The following SGCD variants were observed in gnomAD, a reference collection of about 807,000 sequenced individuals.
SGCD encodes delta-sarcoglycan.
SGCD carries 18 observed loss-of-function variants against 36.6 expected under a neutral mutation model. The ratio of observed to expected loss-of-function variants is 0.49; its 90% CI spans 0.34 to 0.73. The LOEUF (loss-of-function observed/expected upper bound fraction) is 0.73. SGCD is among the 30% of genes least tolerant of loss of function. The pLI, the probability that SGCD is intolerant of heterozygous loss-of-function variation, is 0.01. For missense variants in SGCD, 387 were observed against 346.7 expected, an observed-to-expected ratio of 1.12 and a Z score of -0.92; for synonymous variants, 133 against 130.6, an observed-to-expected ratio of 1.02 and a Z score of -0.12.
intron 6 of SGCD, among the ~76,000 whole-genome samples, chr5:156,640,487 A>G (rs972441904): frequency 6.6e-6 from 1 of 152,216 alleles, no homozygotes; most frequent in Non-Finnish European, 1.5e-5. Flanking sequence ...GTGTTGCTAC[A>G]ATAAAACTTA....
intron 1 of SGCD, among the ~76,000 whole-genome samples, chr5:155,874,507 A>C (rs1265482683): frequency 7.2e-5 from 11 of 152,194 alleles, no homozygotes; most frequent in Admixed American, 7.2e-4. Flanking sequence ...TTTGCAAAGC[A>C]TATATAAACA....
chr5:156,206,300 G>A (rs1413800543), intron 3 of SGCD, among the ~76,000 whole-genome samples: 2 of 151,674 alleles, frequency 1.3e-5, no homozygotes, highest in Non-Finnish European at 2.9e-5. Flanking sequence ...AATATTTTTT[G>A]GTCACAATTA....
chr5:155,967,971 C>G (rs1252893844), intron 1 of SGCD, among the ~76,000 whole-genome samples: 1 of 152,074 alleles, frequency 6.6e-6, no homozygotes, highest in East Asian at 1.9e-4. Flanking sequence ...ACAGTTGTTT[C>G]CCTTTCAAGA....
At chr5:155,798,601 C>T in the SGCD span, among the ~76,000 whole-genome samples, 1 of 152,174 alleles carries the variant, frequency 6.6e-6, no homozygotes, top group Non-Finnish European at 1.5e-5. Context: ...AATTGCCCTC[C>T]TTAGGCAAAT....
chr5:155,746,260 G>A, the SGCD span, among the ~76,000 whole-genome samples: 1 of 152,074 alleles, frequency 6.6e-6, no homozygotes, highest in Admixed American at 6.5e-5. Context: ...GAGTGTCCTC[G>A]GGTCTAGTCT....
Position 156,154,178 on chromosome 5 carries a change from G to T in SGCD, c.-44+30159G>T, listed in dbSNP as rs540416143. Among the ~76,000 whole-genome samples, 193 of 151,742 alleles carry T rather than the reference G, an allele frequency of 1.3e-3. 1 individual carries two copies. The highest frequency in any genetic ancestry group is 1.9e-3 in the Non-Finnish European group (127 of 68,030). ...GCTGTCCAGTAACTTGCTCAAAGAT[G>T]CTTTCTTTTTTTCCTCCCTTGTTCT... On this transcript the variant is annotated intron_variant, in intron 3 of 9. Coordinates refer to the SGCD transcript ENST00000517913.
At chr5:156,496,389 CCTAA>C (rs1352701826) in intron 3 of SGCD, among the ~76,000 whole-genome samples, 2 of 152,024 alleles carry the variant, frequency 1.3e-5, no homozygotes, top group Non-Finnish European at 2.9e-5. Flanking sequence ...CCCATGCTGA[CCTAA>C]CTGTTTTCTT....
chr5:156,036,519 G>A (rs565462582), intron 1 of SGCD, among the ~76,000 whole-genome samples: 11 of 152,290 alleles, frequency 7.2e-5, no homozygotes, highest in Middle Eastern at 3.4e-3. Flanking sequence ...TCCATCTGAT[G>A]AGGGCCGAGG....
At chr5:156,145,826 A>G (rs997357560) in intron 3 of SGCD, among the ~76,000 whole-genome samples, 2 of 152,232 alleles carry the variant, frequency 1.3e-5, no homozygotes, top group African/African-American at 4.8e-5. Flanking sequence ...AGAATGAACA[A>G]CACAAACTAT....
chr5:156,040,477 TA>T (rs1191577181), intron 1 of SGCD, among the ~76,000 whole-genome samples: 3 of 152,254 alleles, frequency 2.0e-5, no homozygotes, highest in Admixed American at 2.0e-4. Flanking sequence ...CATTGTGGAG[TA>T]CACAACAAGC....
At chr5:156,358,725 T>A (rs185215097) in intron 3 of SGCD, among the ~76,000 whole-genome samples, 222 of 152,324 alleles carry the variant, frequency 1.5e-3, no homozygotes, top group Non-Finnish European at 2.7e-3. Flanking sequence ...TGATTTGGCA[T>A]AATTGAAGAG....
intron 3 of SGCD, among the ~76,000 whole-genome samples, chr5:156,267,730 C>A (rs1217404430): frequency 4.6e-5 from 7 of 152,326 alleles, no homozygotes; most frequent in South Asian, 4.1e-4. Flanking sequence ...ATATAACCAT[C>A]ACCAAGTAAA....
chr5:155,963,150 G>A (rs1179299415), intron 1 of SGCD, among the ~76,000 whole-genome samples: 1 of 152,054 alleles, frequency 6.6e-6, no homozygotes, highest in African/African-American at 2.4e-5. Context: ...CACCAAAGCA[G>A]TTCCTAAGCT....
chr5:155,834,623 A>G, the SGCD span, among the ~76,000 whole-genome samples: 4 of 152,238 alleles, frequency 2.6e-5, no homozygotes, highest in East Asian at 5.8e-4. Context: ...TTCACACACT[A>G]TATTATGGCT....
intron 3 of SGCD, among the ~76,000 whole-genome samples, chr5:156,421,332 C>G (rs1773298565): frequency 6.6e-6 from 1 of 152,058 alleles, no homozygotes; most frequent in African/African-American, 2.4e-5. Context: ...ATGATACATT[C>G]GAGTGACACT....
At chr5:156,083,774 T>G (rs546581943) in intron 1 of SGCD, among the ~76,000 whole-genome samples, 272 of 147,862 alleles carry the variant, frequency 1.8e-3, no homozygotes, top group Middle Eastern at 3.4e-3. Context: ...TTAGATCAGG[T>G]TTTTTTTTTG....
intron 1 of SGCD, among the ~76,000 whole-genome samples, chr5:156,059,537 G>A (rs1221487998): frequency 6.8e-6 from 1 of 146,388 alleles, no homozygotes; most frequent in Non-Finnish European, 1.5e-5. Context: ...GTGTGCATTG[G>A]CAGGGGACCC....
chr5:155,762,298 A>G, the SGCD span, among the ~76,000 whole-genome samples: 1 of 152,144 alleles, frequency 6.6e-6, no homozygotes, highest in Non-Finnish European at 1.5e-5. Context: ...TATCTATCTG[A>G]AAAAAAGACA....
At chr5:155,905,503 C>A (rs1337211044) in intron 1 of SGCD, among the ~76,000 whole-genome samples, 1 of 152,124 alleles carries the variant, frequency 6.6e-6, no homozygotes, top group South Asian at 2.1e-4. Flanking sequence ...CTGAGCCTGG[C>A]ACTGTGAAGC....
Sources: allele counts gnomAD v4.1 joint callset (sites outside exome capture counted in the v4.1 genomes callset), GRCh38; gene constraint gnomAD v4.1.1; transcripts MANE v1.5; gene names NCBI Gene and HGNC (gene_info 2026-07-23, HGNC 2026-07-21).